Variants in PCDHA13 observed in about 807,000 individuals in gnomAD.
The protein encoded by PCDHA13 is protocadherin alpha 13, also known as protocadherin alpha-13.
PCDHA13 carries 54 observed loss-of-function variants against 64.8 expected under a neutral mutation model. The ratio of observed to expected loss-of-function variants is 0.83; its 90% CI spans 0.67 to 1.04. The LOEUF (loss-of-function observed/expected upper bound fraction) is 1.04, where lower values mean the gene tolerates loss of function less well. PCDHA13 is among the 50% of genes least tolerant of loss of function. The pLI is 0.00. For missense variants in PCDHA13, 1,248 were observed against 1,254.3 expected (o/e 0.99, Z 0.08); for synonymous variants, 587 against 564.4 (o/e 1.04, Z -0.57).
intron 3 of PCDHA13, among the ~76,000 whole-genome samples, chr5:140,983,060 A>G (rs1460099092): frequency 6.6e-6 from 1 of 152,120 alleles, no homozygotes; most frequent in Non-Finnish European, 1.5e-5. Flanking sequence ...TATCGGAACC[A>G]AGGCATTGTT....
chr5:140,885,161 T>C (rs1554182019), intron 1 of PCDHA13, among the ~76,000 whole-genome samples: 1 of 151,600 alleles, frequency 6.6e-6, no homozygotes, highest in Non-Finnish European at 1.5e-5. Flanking sequence ...TTGTCTCTAC[T>C]TTTTTGTCCT....
At position 140,903,777 on chromosome 5, in the gene PCDHA13, T is replaced by C. The variant is rs80247548; in HGVS notation, c.2394+19115T>C. On this transcript the variant is annotated intron_variant, in intron 1 of 3. Transcript: ENST00000289272. ...GATTTTTGCTGAACTTTTCTATCCA[T>C]AAACTATCTATGGTTGTAATTGACA... 8.0e-3 allele frequency among the ~76,000 whole-genome samples: 1,216 copies of C among 152,334 alleles called. 6 individuals are homozygous for C. The highest frequency in any genetic ancestry group is 0.019 in the African/African-American group (784 of 41,582).
chr5:140,904,940 A>G (rs368833420), intron 1 of PCDHA13, among the ~76,000 whole-genome samples: 1 of 152,136 alleles, frequency 6.6e-6, no homozygotes, highest in African/African-American at 2.4e-5. Context: ...TCTGGATATT[A>G]GTCCTTTGTC....
intron 1 of PCDHA13, among the ~76,000 whole-genome samples, chr5:140,943,702 G>C (rs2153663732): frequency 6.6e-6 from 1 of 152,280 alleles, no homozygotes; most frequent in South Asian, 2.1e-4. Context: ...AAATATTGTG[G>C]AACACATTTA....
intron 1 of PCDHA13, chr5:140,929,431 C>T (rs155360): frequency 0.52 from 779,088 of 1,485,262 alleles, 207,160 homozygotes; most frequent in African/African-American, 0.75. Context: ...ATCAATTGAA[C>T]TAAACACTCC....
At chr5:140,972,797 G>A (rs1563419152) in intron 1 of PCDHA13, among the ~76,000 whole-genome samples, 3 of 151,664 alleles carry the variant, frequency 2.0e-5, no homozygotes, top group Admixed American at 2.0e-4. Flanking sequence ...CTGAGTAGCT[G>A]AGATTACAGG....
chr5:140,964,099 C>T (rs2095809950), intron 1 of PCDHA13, among the ~76,000 whole-genome samples: 1 of 152,142 alleles, frequency 6.6e-6, no homozygotes, highest in South Asian at 2.1e-4. Flanking sequence ...TAATTAACAA[C>T]AGTCTGAGCA....
rs1357197569 is a variant in PCDHA13, at chr5:140,882,543, G to T, written c.275G>T (p.Arg92Leu). 2.5e-6 allele frequency: 4 copies of T among 1,614,236 alleles called. No individual in the cohort carries two copies. The highest frequency in any genetic ancestry group is 3.4e-6 in the Non-Finnish European group (4 of 1,180,044). Residue 92 changes from arginine to leucine, a missense_variant, in exon 1 of 4, where the codon CGC becomes CTC. Transcript: ENST00000289272. The part of the protein sequence containing the change: ...GILFVNSRID[R>L]EELCGRSAEC... The stretch of plus-strand genomic sequence containing the variant: ...TTGTTTGTGAATTCTCGGATCGACC[G>T]CGAGGAGCTGTGTGGGCGGAGCGCG...
At chr5:140,926,925 G>A (rs1554203816) in intron 1 of PCDHA13, 1 of 1,574,118 alleles carries the variant, frequency 6.4e-7, no homozygotes, top group Admixed American at 1.8e-5. Flanking sequence ...TTTTATGTTT[G>A]TGGGTTTCCT....
At chr5:140,933,036 A>G (rs545196190) in intron 1 of PCDHA13, among the ~76,000 whole-genome samples, 5 of 152,154 alleles carry the variant, frequency 3.3e-5, no homozygotes, top group South Asian at 4.1e-4. Context: ...CTTCAAGTGA[A>G]TATGGATTAC....
chr5:140,884,152 T>A lies in PCDHA13; in HGVS notation c.1884T>A (p.Thr628=). ...TCCCGTTCCGCGTGGGGCTGTACAC[T>A]GGCGAGATCAGCACGACGCGCCCTC... ...ARIPFRVGLY[T]GEISTTRPLD... Residue 628 remains threonine (T), a synonymous_variant, in exon 1 of 4, where the codon ACT becomes ACA. Coordinates refer to ENST00000289272, the MANE Select transcript of PCDHA13 (RefSeq NM_018904.3). 6.2e-7 allele frequency: 1 copy of A among 1,613,450 alleles called. No homozygotes were observed. The highest frequency in any genetic ancestry group is 8.5e-7 in the Non-Finnish European group (1 of 1,179,736).
intron 1 of PCDHA13, among the ~76,000 whole-genome samples, chr5:140,925,502 C>G (rs978472276): frequency 6.6e-6 from 1 of 151,912 alleles, no homozygotes; most frequent in Admixed American, 6.6e-5. Context: ...GTCCCAATAT[C>G]CACGCAAAAG....
At chr5:141,002,342 C>A (rs1047277199) in intron 3 of PCDHA13, among the ~76,000 whole-genome samples, 3 of 152,070 alleles carry the variant, frequency 2.0e-5, no homozygotes, top group African/African-American at 4.8e-5. Flanking sequence ...CGCACCCCTT[C>A]CCCCACCTCC....
chr5:140,934,999 T>C (rs2090139389), intron 1 of PCDHA13, among the ~76,000 whole-genome samples: 1 of 152,196 alleles, frequency 6.6e-6, no homozygotes, highest in Admixed American at 6.5e-5. Flanking sequence ...CCTGAATCCT[T>C]TTCATGTGAG....
At chr5:140,947,610 C>T (rs989640335) in intron 1 of PCDHA13, among the ~76,000 whole-genome samples, 3 of 151,562 alleles carry the variant, frequency 2.0e-5, no homozygotes, top group South Asian at 2.1e-4. Flanking sequence ...GATTTGGTAT[C>T]TTAACAATAT....
chr5:140,971,392 T>C (rs1399891976), intron 1 of PCDHA13, among the ~76,000 whole-genome samples: 1 of 152,154 alleles, frequency 6.6e-6, no homozygotes, highest in East Asian at 1.9e-4. Flanking sequence ...TAAAGGCAAA[T>C]TTCTGCCAGG....
At chr5:141,007,199 G>A (rs561958637) in intron 3 of PCDHA13, among the ~76,000 whole-genome samples, 3 of 152,036 alleles carry the variant, frequency 2.0e-5, no homozygotes, top group African/African-American at 7.2e-5. Flanking sequence ...TGATGGTGGG[G>A]GCCAGAATAT....
At chr5:140,900,178 T>G (rs972449455) in intron 1 of PCDHA13, among the ~76,000 whole-genome samples, 1 of 152,238 alleles carries the variant, frequency 6.6e-6, no homozygotes, top group East Asian at 1.9e-4. Flanking sequence ...GCCTGGTTTA[T>G]GTCACTTATA....
intron 2 of PCDHA13, among the ~76,000 whole-genome samples, chr5:140,982,082 C>G (rs188673632): frequency 6.6e-6 from 1 of 152,276 alleles, no homozygotes; most frequent in Admixed American, 6.5e-5. Flanking sequence ...AGTAGAGAAC[C>G]TAGGAACAAG....
Sources: gnomAD v4.1 joint callset for allele counts (sites outside exome capture counted in the v4.1 genomes callset) on GRCh38, gnomAD v4.1.1 for gene constraint, MANE v1.5 for transcripts, NCBI Gene and HGNC (gene_info 2026-07-23, HGNC 2026-07-21) for gene names.